The following WWOX variants were observed in gnomAD, a reference collection of about 807,000 sequenced individuals.
The protein encoded by WWOX is WW domain-containing oxidoreductase.
WWOX carries 69 observed loss-of-function variants against 46.2 expected under a neutral mutation model. That is an observed-to-expected ratio of 1.49 (90% confidence interval 1.23 to 1.82). The LOEUF (loss-of-function observed/expected upper bound fraction) is 1.82, where lower values mean the gene tolerates loss of function less well. Ranked by LOEUF, WWOX falls within the 40% of genes most tolerant of loss-of-function variation. The pLI is 0.00. For synonymous variants in WWOX, 359 were observed against 202.6 expected (o/e 1.77, Z -6.56); for missense variants, 919 against 542.6 (o/e 1.69, Z -6.89).
intron 5 of WWOX, among the ~76,000 whole-genome samples, chr16:78,207,688 G>A (rs531437848): frequency 1.3e-5 from 2 of 150,514 alleles, no homozygotes; most frequent in East Asian, 3.9e-4. Context: ...GCATTGCTGG[G>A]ATGATGAGGC....
chr16:78,463,002 C>T (rs115244599), intron 8 of WWOX, among the ~76,000 whole-genome samples: 2,449 of 152,294 alleles, frequency 0.016, 20 homozygotes, highest in African/African-American at 0.028. Flanking sequence ...TCTTTGCAGG[C>T]GCAGTGACAT....
chr16:79,146,401 C>T (rs934714144), intron 8 of WWOX, among the ~76,000 whole-genome samples: 1 of 152,126 alleles, frequency 6.6e-6, no homozygotes, highest in Non-Finnish European at 1.5e-5. Context: ...CCAGAACTGG[C>T]TTATATCATC....
intron 8 of WWOX, among the ~76,000 whole-genome samples, chr16:78,955,878 A>G (rs566012718): frequency 6.6e-6 from 1 of 151,956 alleles, no homozygotes; most frequent in East Asian, 1.9e-4. Flanking sequence ...TCCTGGCCTC[A>G]AGCGATCTCC....
At chr16:78,886,940 T>C (rs983418214) in intron 8 of WWOX, among the ~76,000 whole-genome samples, 12 of 152,116 alleles carry the variant, frequency 7.9e-5, no homozygotes, top group Admixed American at 7.9e-4. Flanking sequence ...CCTATGAAAG[T>C]GAATATAAAA....
intron 8 of WWOX, among the ~76,000 whole-genome samples, chr16:78,484,473 C>G (rs2084580343): frequency 6.6e-6 from 1 of 152,142 alleles, no homozygotes; most frequent in African/African-American, 2.4e-5. Context: ...ATAATGTATT[C>G]ATAAATTGAT....
chr16:78,314,425 T>C (rs1426651678), intron 5 of WWOX, among the ~76,000 whole-genome samples: 2 of 127,714 alleles, frequency 1.6e-5, no homozygotes, highest in Non-Finnish European at 3.4e-5. Context: ...AAAAAAAAAG[T>C]ACAGGACATA....
At chr16:78,334,168 C>T (rs1024599934) in intron 5 of WWOX, among the ~76,000 whole-genome samples, 13 of 152,156 alleles carry the variant, frequency 8.5e-5, no homozygotes, top group East Asian at 7.7e-4. Context: ...TAAATGCATT[C>T]GCCTAATGTA....
chr16:78,818,676 A>C (rs535082281), intron 8 of WWOX, among the ~76,000 whole-genome samples: 1 of 152,306 alleles, frequency 6.6e-6, no homozygotes, highest in African/African-American at 2.4e-5. Context: ...GGCTGCAGTG[A>C]ACTAAGATGC....
chr16:79,174,720 A>C (rs1418057195), intron 8 of WWOX, among the ~76,000 whole-genome samples: 1 of 152,204 alleles, frequency 6.6e-6, no homozygotes, highest in African/African-American at 2.4e-5. Flanking sequence ...GGTGAAATGA[A>C]GCCTAGATGG....
chr16:78,319,707 G>C (rs935030184), intron 5 of WWOX, among the ~76,000 whole-genome samples: 2 of 152,154 alleles, frequency 1.3e-5, no homozygotes, highest in African/African-American at 4.8e-5. Context: ...ACATGCGTAG[G>C]TTCATTTAAC....
chr16:79,107,378 G>A (rs1366562599), intron 8 of WWOX, among the ~76,000 whole-genome samples: 2 of 152,094 alleles, frequency 1.3e-5, no homozygotes, highest in Admixed American at 1.3e-4. Context: ...ACGAGTCACC[G>A]CGCCCAGCCC....
intron 8 of WWOX, among the ~76,000 whole-genome samples, chr16:79,133,305 A>C (rs946088112): frequency 6.6e-6 from 1 of 152,134 alleles, no homozygotes. Flanking sequence ...ATGAGACGCC[A>C]CTTAACAATT....
At chr16:78,699,131 C>A (rs886737954) in intron 8 of WWOX, among the ~76,000 whole-genome samples, 1 of 152,212 alleles carries the variant, frequency 6.6e-6, no homozygotes, top group East Asian at 1.9e-4. Context: ...AATGCACCAT[C>A]TGTGTTCCAG....
At chr16:78,417,509 TCAAAAAAGGAAAAAAA>T in intron 6 of WWOX, among the ~76,000 whole-genome samples, 1 of 152,040 alleles carries the variant, frequency 6.6e-6, no homozygotes, top group African/African-American at 2.4e-5. Flanking sequence ...TAGTTAGTAC[TCAAAAAAGGAAAAAAA>T]AGTATTAATA....
intron 5 of WWOX, among the ~76,000 whole-genome samples, chr16:78,351,466 A>G (rs760568702): frequency 6.6e-6 from 1 of 152,158 alleles, no homozygotes; most frequent in Non-Finnish European, 1.5e-5. Flanking sequence ...GGGGGATATC[A>G]TATACGCTTT....
chr16:78,450,881 T>C (rs142388032), intron 8 of WWOX, among the ~76,000 whole-genome samples: 1 of 152,354 alleles, frequency 6.6e-6, no homozygotes, highest in East Asian at 1.9e-4. Context: ...AATTAGGTTC[T>C]GAAATATACC....
chr16:79,036,545 G>T (rs2047870383), intron 8 of WWOX, among the ~76,000 whole-genome samples: 1 of 152,184 alleles, frequency 6.6e-6, no homozygotes, highest in South Asian at 2.1e-4. Context: ...GCTTTCCTCT[G>T]CCTGAATTAT....
intron 8 of WWOX, among the ~76,000 whole-genome samples, chr16:78,590,762 C>G (rs2045332363): frequency 6.6e-6 from 1 of 152,146 alleles, no homozygotes; most frequent in Admixed American, 6.5e-5. Flanking sequence ...AGTGCCAGGT[C>G]TAATGGGCTT....
intron 8 of WWOX, among the ~76,000 whole-genome samples, chr16:78,548,052 G>A (rs1030697368): frequency 3.3e-5 from 5 of 151,484 alleles, no homozygotes; most frequent in African/African-American, 4.9e-5. Flanking sequence ...GTACTCCAGA[G>A]GCTGAGGCAG....
Sources: gnomAD v4.1 joint callset for allele counts (sites outside exome capture counted in the v4.1 genomes callset) on GRCh38, gnomAD v4.1.1 for gene constraint, MANE v1.5 for transcripts, NCBI Gene and HGNC (gene_info 2026-07-23, HGNC 2026-07-21) for gene names.